Variants in AP3B1 observed in about 807,000 individuals in gnomAD.
AP3B1 encodes AP-3 complex subunit beta-1.
In AP3B1, 61 loss-of-function variants were observed where a neutral mutation model predicts 132.5. The ratio of observed to expected loss-of-function variants is 0.46; its 90% CI spans 0.37 to 0.57. AP3B1 has a LOEUF of 0.57. AP3B1 is among the 20% of genes least tolerant of loss of function. The pLI is 0.00. For missense variants in AP3B1, 1,120 were observed against 1,289.4 expected (o/e 0.87, Z 2.01); for synonymous variants, 388 against 438.3 (o/e 0.89, Z 1.43).
intron 22 of AP3B1, among the ~76,000 whole-genome samples, chr5:78,051,072 C>CTT (rs1748558846): frequency 6.6e-6 from 1 of 152,136 alleles, no homozygotes; most frequent in Non-Finnish European, 1.5e-5. Flanking sequence ...TAAAGGAAAT[C>CTT]TATGTGACTC....
At chr5:78,246,531 T>C (rs1038597851) in intron 2 of AP3B1, among the ~76,000 whole-genome samples, 11 of 152,316 alleles carry the variant, frequency 7.2e-5, no homozygotes, top group African/African-American at 1.9e-4. Context: ...TTATTAGATA[T>C]AGGACTATTC....
chr5:78,271,524 A>G (rs1748546044), intron 1 of AP3B1, among the ~76,000 whole-genome samples: 1 of 152,242 alleles, frequency 6.6e-6, no homozygotes, highest in South Asian at 2.1e-4. Context: ...AAAAGAAAAA[A>G]GCCTACAGAC....
chr5:78,132,483 C>T (rs1428117288), intron 15 of AP3B1, among the ~76,000 whole-genome samples: 1 of 152,078 alleles, frequency 6.6e-6, no homozygotes, highest in Non-Finnish European at 1.5e-5. Context: ...CAGTGTTGGG[C>T]CTTTTTTCTA....
chr5:78,235,047 G>C (rs1746817027), intron 3 of AP3B1, among the ~76,000 whole-genome samples: 1 of 152,082 alleles, frequency 6.6e-6, no homozygotes, highest in Admixed American at 6.5e-5. Flanking sequence ...TTTAAAGAGA[G>C]ATAGGGTCTC....
chr5:78,161,894 A>G (rs1743401924), intron 13 of AP3B1, among the ~76,000 whole-genome samples: 1 of 152,018 alleles, frequency 6.6e-6, no homozygotes, highest in African/African-American at 2.4e-5. Context: ...AAATAATTAG[A>G]GATTATAGGA....
At chr5:78,110,039 C>CAAG (rs1751506840) in intron 20 of AP3B1, among the ~76,000 whole-genome samples, 168 bp downstream of exon 20, 1 of 152,064 alleles carries the variant, frequency 6.6e-6, no homozygotes, top group Non-Finnish European at 1.5e-5. Context: ...ATTTCAGTGG[C>CAAG]AAGGGATGAG....
intron 3 of AP3B1, among the ~76,000 whole-genome samples, chr5:78,232,109 C>G (rs143948400): frequency 1.3e-5 from 2 of 152,112 alleles, no homozygotes; most frequent in Non-Finnish European, 2.9e-5. Context: ...AGATATTTCA[C>G]GATAGGGGTG....
At chr5:78,294,356 G>T in intron 1 of AP3B1, 96 bp downstream of exon 1, 5 of 1,585,492 alleles carry the variant, frequency 3.2e-6, no homozygotes, top group South Asian at 1.1e-5. Flanking sequence ...ACCTCAGGGC[G>T]ACCCCGCTCC....
At chr5:78,243,907 G>GA (rs1747256474) in intron 2 of AP3B1, among the ~76,000 whole-genome samples, 1 of 152,174 alleles carries the variant, frequency 6.6e-6, no homozygotes, top group South Asian at 2.1e-4. Flanking sequence ...GCAGAGGAAA[G>GA]ACATCATTAA....
chr5:78,015,623 G>A, intron 25 of AP3B1, 75 bp from the exon 26 acceptor site: 1 of 1,513,984 alleles, frequency 6.6e-7, no homozygotes, highest in Non-Finnish European at 9.0e-7. Flanking sequence ...TAAGCTCATG[G>A]CCAAAATTTT....
At chr5:78,254,513 T>A (rs185642268) in intron 2 of AP3B1, among the ~76,000 whole-genome samples, 2 of 152,186 alleles carry the variant, frequency 1.3e-5, no homozygotes, top group African/African-American at 4.8e-5. Flanking sequence ...ATGGTGGCAG[T>A]AGACTTTTCA....
chr5:78,167,092 A>C (rs1420533035), intron 11 of AP3B1, among the ~76,000 whole-genome samples: 1 of 152,262 alleles, frequency 6.6e-6, no homozygotes, highest in East Asian at 1.9e-4. Flanking sequence ...TTCACAGTCT[A>C]TACATCTGAC....
At chr5:78,015,867 G>A in intron 25 of AP3B1, 1 of 270,212 alleles carries the variant, frequency 3.7e-6, no homozygotes, top group Non-Finnish European at 7.1e-6. Context: ...CTCAATCTGG[G>A]GTTTATGTAA....
intron 6 of AP3B1, among the ~76,000 whole-genome samples, chr5:78,221,555 A>G (rs1232797749): frequency 6.6e-6 from 1 of 152,018 alleles, no homozygotes; most frequent in Non-Finnish European, 1.5e-5. Flanking sequence ...ACTAAATTGC[A>G]AGGTGCCCTT....
At chr5:78,226,894 T>A (rs1242855561) in intron 5 of AP3B1, among the ~76,000 whole-genome samples, 1 of 152,054 alleles carries the variant, frequency 6.6e-6, no homozygotes, top group Non-Finnish European at 1.5e-5. Flanking sequence ...CTACACTTTT[T>A]AAAATTACTT....
intron 22 of AP3B1, among the ~76,000 whole-genome samples, chr5:78,057,821 C>A (rs1404549020): frequency 6.6e-6 from 1 of 152,184 alleles, no homozygotes; most frequent in Non-Finnish European, 1.5e-5. Flanking sequence ...TACTCCAGCC[C>A]ATTATGATCT....
intron 7 of AP3B1, among the ~76,000 whole-genome samples, chr5:78,208,695 T>A (rs1262432306): frequency 6.6e-6 from 1 of 152,098 alleles, no homozygotes; most frequent in African/African-American, 2.4e-5. Flanking sequence ...TGACATTGGG[T>A]AGACAAGAAG....
intron 1 of AP3B1, among the ~76,000 whole-genome samples, chr5:78,291,674 T>C (rs965564640): frequency 6.6e-6 from 1 of 152,022 alleles, no homozygotes; most frequent in Non-Finnish European, 1.5e-5. Context: ...TATGTCAAAT[T>C]CATGAAAGAC....
intron 2 of AP3B1, among the ~76,000 whole-genome samples, chr5:78,252,198 A>G (rs1747666197): frequency 6.6e-6 from 1 of 152,174 alleles, no homozygotes; most frequent in Non-Finnish European, 1.5e-5. Flanking sequence ...CAGGTACTAC[A>G]TTGAGGGCCT....
Sources: gnomAD v4.1 joint callset for allele counts (sites outside exome capture counted in the v4.1 genomes callset) on GRCh38, gnomAD v4.1.1 for gene constraint, MANE v1.5 for transcripts, NCBI Gene and HGNC (gene_info 2026-07-23, HGNC 2026-07-21) for gene names.